The following MYO5A variants were observed in gnomAD, a reference collection of about 807,000 sequenced individuals.
MYO5A encodes the protein myosin VA.
A neutral mutation model predicts 249.7 loss-of-function variants in MYO5A; 98 were observed. That is an observed-to-expected ratio of 0.39 (90% confidence interval 0.33 to 0.46). The LOEUF (loss-of-function observed/expected upper bound fraction) is 0.46, where lower values mean the gene tolerates loss of function less well. MYO5A is among the 20% of genes least tolerant of loss of function. The probability of loss-of-function intolerance (pLI) is 0.98; values close to 1 mark genes in which losing one functional copy is unlikely to be tolerated. For missense variants in MYO5A, 1,696 were observed against 2,308.8 expected (o/e 0.73, Z 5.44); for synonymous variants, 778 against 810.6 (o/e 0.96, Z 0.68).
Position 52,327,615 on chromosome 15 carries a change from G to A in MYO5A, c.4710+237C>T, listed in dbSNP as rs558574303. On this transcript the variant is annotated intron_variant, in intron 36 of 41. Coordinates refer to ENST00000399233, the MANE Select transcript of MYO5A (RefSeq NM_001382347.1). ...TCAGATACTTGGGAGGCTGAGCTGA[G>A]AGGATTGCTTGAGCCTGGGATTGCA... Among the ~76,000 whole-genome samples, 23 of 152,366 alleles carry A rather than the reference G, an allele frequency of 1.5e-4. No individual in the cohort carries two copies. In the South Asian group the frequency reaches 4.8e-3, roughly 32 times the overall value.
Position 52,312,080 on chromosome 15 carries a change from G to C in MYO5A, c.*1616C>G, listed in dbSNP as rs2037793667. The C allele has an allele frequency of 6.6e-6, 1 of 152,270 alleles. No homozygotes were observed. Among genetic ancestry groups the C allele is most frequent in the African/African-American group, 2.4e-5 (1 of 41,442 alleles). 9.4% of individuals were successfully genotyped at this position (152,270 alleles called of 1,614,324 possible). A position where few individuals can be genotyped will look rare whatever the true frequency, so the allele number is the denominator to read the frequency against. On this transcript the variant is annotated 3_prime_UTR_variant, in exon 42 of 42. Transcript: ENST00000399233. ...GATTCCTAAGAAAAATGGTGAATAT[G>C]TTTAACTAGAATTTCAGAATGAAAA...
At chr15:52,434,849 C>T (rs921547899) in intron 1 of MYO5A, among the ~76,000 whole-genome samples, 1 of 152,178 alleles carries the variant, frequency 6.6e-6, no homozygotes, top group Non-Finnish European at 1.5e-5. Context: ...ATGACACAAT[C>T]AATCATGGCT....
At chr15:52,504,205 T>C (rs900403171) in intron 1 of MYO5A, among the ~76,000 whole-genome samples, 6 of 152,234 alleles carry the variant, frequency 3.9e-5, no homozygotes, top group Admixed American at 3.3e-4. Flanking sequence ...CATCCTTTAA[T>C]TGATGTCCTC....
chr15:52,328,783 C>T (rs1373246848), intron 35 of MYO5A, among the ~76,000 whole-genome samples: 2 of 152,216 alleles, frequency 1.3e-5, no homozygotes, highest in Non-Finnish European at 2.9e-5. Context: ...TCCCCTTCCC[C>T]ACTCCAGCTC....
chr15:52,317,313 A>G, intron 39 of MYO5A, 91 bp from the exon 40 acceptor site: 2 of 1,269,292 alleles, frequency 1.6e-6, no homozygotes, highest in Non-Finnish European at 2.2e-6. Flanking sequence ...GTCAGGATTT[A>G]TGTTAAAATG....
chr15:52,437,285 T>C (rs937450543), intron 1 of MYO5A, among the ~76,000 whole-genome samples: 4 of 152,180 alleles, frequency 2.6e-5, no homozygotes, highest in Admixed American at 1.3e-4. Flanking sequence ...CCAGAAAAGA[T>C]ATATAAATAT....
chr15:52,509,219 G>C (rs2077340488), intron 1 of MYO5A, among the ~76,000 whole-genome samples: 1 of 152,138 alleles, frequency 6.6e-6, no homozygotes, highest in Admixed American at 6.5e-5. Context: ...CAATCCACTT[G>C]CTTCAGCCTC....
At chr15:52,344,372 G>A (rs1312052720) in intron 30 of MYO5A, among the ~76,000 whole-genome samples, 1 of 152,036 alleles carries the variant, frequency 6.6e-6, no homozygotes, top group African/African-American at 2.4e-5. Flanking sequence ...CATCTTCACT[G>A]TGCATTTCCC....
At chr15:52,453,553 G>C (rs939921285) in intron 1 of MYO5A, among the ~76,000 whole-genome samples, 7 of 152,120 alleles carry the variant, frequency 4.6e-5, no homozygotes, top group South Asian at 2.1e-4. Context: ...CAGAATAATT[G>C]AAACTGCAAT....
intron 1 of MYO5A, among the ~76,000 whole-genome samples, chr15:52,503,709 TTAAG>T (rs1433714915): frequency 1.3e-5 from 2 of 152,146 alleles, no homozygotes; most frequent in African/African-American, 2.4e-5. Context: ...ATCAAAAAAA[TTAAG>T]TAAGTGGAAA....
At chr15:52,426,870 T>C (rs1301361133) in intron 3 of MYO5A, among the ~76,000 whole-genome samples, 14 of 152,036 alleles carry the variant, frequency 9.2e-5, no homozygotes, top group African/African-American at 3.4e-4. Flanking sequence ...TCAGATTAAA[T>C]TGTAATAAGG....
intron 28 of MYO5A, among the ~76,000 whole-genome samples, chr15:52,350,403 C>T (rs1442289294): frequency 6.6e-6 from 1 of 152,098 alleles, no homozygotes; most frequent in Non-Finnish European, 1.5e-5. Context: ...ACGTGCCAGG[C>T]ACAGTATCTA....
intron 22 of MYO5A, among the ~76,000 whole-genome samples, chr15:52,368,123 A>C (rs1445485781): frequency 6.6e-6 from 1 of 152,212 alleles, no homozygotes; most frequent in Non-Finnish European, 1.5e-5. Flanking sequence ...TAGGGAGAGA[A>C]CTGGCAGGCA....
intron 5 of MYO5A, 56 bp downstream of exon 5, chr15:52,416,089 G>T (rs1373929981): frequency 4.4e-6 from 7 of 1,594,600 alleles, no homozygotes; most frequent in South Asian, 1.1e-5. Context: ...TCAATTTTTT[G>T]AGCATGTTTC....
rs568430536 is a variant in MYO5A at position 52,505,991 on chromosome 15, A to G, written c.27+22789T>C. On this transcript the variant is annotated intron_variant, in intron 1 of 41. Transcript: ENST00000399233. ...CACTTTGGGAGGCTGAGGAGGGCAG[A>G]TATCTTGAGGTCAGGAGTTCGAGAC... 87 of 786,240 alleles carry G rather than the reference A, an allele frequency of 1.1e-4. No individual in the cohort carries two copies. The African/African-American group carries it at 1.3e-3, about 12-fold the overall frequency. 48.7% of individuals were successfully genotyped at this position (786,240 alleles called of 1,614,324 possible).
At chr15:52,525,416 T>G (rs1445030074) in intron 1 of MYO5A, among the ~76,000 whole-genome samples, 2 of 152,190 alleles carry the variant, frequency 1.3e-5, no homozygotes, top group African/African-American at 4.8e-5. Flanking sequence ...CTGGAAAAAC[T>G]TACAAAATGG....
Position 52,389,253 on chromosome 15 carries a change from T to C in MYO5A, c.1653A>G (p.Gln551=). Reference sequence around the variant, plus strand: ...GCTTCCTTACTTTGTCAGCAAAATGTTGGATGATGAAAGCTTTGTTTGATA... The same window carrying C: ...GCTTCCTTACTTTGTCAGCAAAATGCTGGATGATGAAAGCTTTGTTTGATA... The part of the protein sequence containing the change: ...PRLSNKAFII[Q]HFADKVEYQC... Residue 551 remains glutamine (Q), a synonymous_variant, in exon 13 of 42, where the codon CAA becomes CAG. Coordinates refer to ENST00000399233, the MANE Select transcript of MYO5A (RefSeq NM_001382347.1). 1 of 1,613,242 alleles carries C rather than the reference T, an allele frequency of 6.2e-7. No individual in the cohort carries two copies. Among genetic ancestry groups the C allele is most frequent in the Non-Finnish European group, 8.5e-7 (1 of 1,179,402 alleles).
At chr15:52,461,372 G>A (rs1018479208) in intron 1 of MYO5A, among the ~76,000 whole-genome samples, 3 of 152,108 alleles carry the variant, frequency 2.0e-5, no homozygotes, top group African/African-American at 7.2e-5. Context: ...TGATGTTTTT[G>A]CAATTATTAA....
intron 32 of MYO5A, among the ~76,000 whole-genome samples, chr15:52,339,181 G>C (rs1309232998): frequency 1.3e-5 from 2 of 152,076 alleles, no homozygotes; most frequent in Non-Finnish European, 2.9e-5. Context: ...TCATATAAAA[G>C]ATGGTTGAAT....
Sources: gnomAD v4.1 joint callset for allele counts (sites outside exome capture counted in the v4.1 genomes callset) on GRCh38, gnomAD v4.1.1 for gene constraint, MANE v1.5 for transcripts, NCBI Gene and HGNC (gene_info 2026-07-23, HGNC 2026-07-21) for gene names.